The following EEF2K variants were observed in gnomAD, a reference collection of about 807,000 sequenced individuals.
EEF2K encodes the protein alternative protein EEF2K.
EEF2K carries 70 observed loss-of-function variants against 93.8 expected under a neutral mutation model. The observed-to-expected ratio is 0.75, with a 90% CI of 0.62 to 0.91. EEF2K has a LOEUF of 0.91. Among genes scored for constraint, EEF2K ranks in the 40% least tolerant of loss-of-function variants. The probability of loss-of-function intolerance (pLI) is 0.00; values close to 1 mark genes in which losing one functional copy is unlikely to be tolerated. For missense variants in EEF2K, 935 were observed against 972.9 expected (o/e 0.96, Z 0.52); for synonymous variants, 376 against 380.8 (o/e 0.99, Z 0.15).
intron 6 of EEF2K, 90 bp downstream of exon 6, chr16:22,251,412 C>A (rs1387621667): frequency 2.9e-6 from 4 of 1,403,136 alleles, no homozygotes; most frequent in African/African-American, 2.9e-5. Flanking sequence ...CCCTATTTCA[C>A]CTTCTTTTTT....
intron 2 of EEF2K, among the ~76,000 whole-genome samples, chr16:22,229,722 G>A (rs1404153227): frequency 6.6e-6 from 1 of 151,960 alleles, no homozygotes; most frequent in Non-Finnish European, 1.5e-5. Context: ...AGGGGGAAAG[G>A]CGAACATTAT....
intron 1 of EEF2K, among the ~76,000 whole-genome samples, chr16:22,220,732 A>G (rs1295585926): frequency 1.3e-5 from 2 of 152,352 alleles, no homozygotes; most frequent in African/African-American, 4.8e-5. Flanking sequence ...GGCATGAGCC[A>G]TCACGCCTGG....
At chr16:22,244,269 T>TG (rs2047259948) in intron 2 of EEF2K, among the ~76,000 whole-genome samples, 2 of 140,058 alleles carry the variant, frequency 1.4e-5, no homozygotes, top group Non-Finnish European at 3.1e-5. Context: ...TATATATGTA[T>TG]TGTGTGTGTG....
At chr16:22,223,429 C>A (rs1485398617) in intron 1 of EEF2K, among the ~76,000 whole-genome samples, 2 of 152,130 alleles carry the variant, frequency 1.3e-5, no homozygotes, top group African/African-American at 4.8e-5. Context: ...TAGGCATGCA[C>A]CACCACGCCT....
rs138243049 is a variant in EEF2K, at chr16:22,231,289, G to C, written c.246+5314G>C. Among the ~76,000 whole-genome samples the C allele has an allele frequency of 5.8e-3, 867 of 150,492 alleles. 6 individuals are homozygous for C. Among genetic ancestry groups the C allele is most frequent in the African/African-American group, 0.019 (801 of 41,306 alleles). ...TTGTTTATTTATTTATTTATTTTTT[G>C]TATATTTAGTAGAGACGGGGGTTTC... On this transcript the variant is annotated intron_variant, in intron 2 of 17. Transcript: ENST00000263026.
rs370576953 is a variant in EEF2K, at chr16:22,213,258, C to T, written c.-77+6579C>T. 1.4e-4 allele frequency among the ~76,000 whole-genome samples: 21 copies of T among 152,228 alleles called. No homozygotes were observed. In the East Asian group the frequency reaches 2.3e-3, roughly 17 times the overall value. On this transcript the variant is annotated intron_variant, in intron 1 of 17. Coordinates refer to ENST00000263026, the MANE Select transcript of EEF2K (RefSeq NM_013302.5). The stretch of plus-strand genomic sequence containing the variant: ...TGTAGTTGCTGCACTCCAGCCTGGG[C>T]GACAGAGTGAGACTCCATCTCAAAA...
intron 6 of EEF2K, among the ~76,000 whole-genome samples, chr16:22,252,237 C>T (rs1043632177): frequency 4.6e-5 from 7 of 152,160 alleles, no homozygotes; most frequent in Non-Finnish European, 1.0e-4. Context: ...GAATTCATTG[C>T]CTTATGTAAC....
intron 16 of EEF2K, among the ~76,000 whole-genome samples, chr16:22,274,487 G>A (rs2047616034): frequency 6.6e-6 from 1 of 151,574 alleles, no homozygotes; most frequent in Non-Finnish European, 1.5e-5. Context: ...ATACGAGGCA[G>A]CCATTCTAAC....
In EEF2K at chr16:22,285,594, G is replaced by C. The variant is rs1299668789; in HGVS notation, c.*1598G>C. ...CACTTTGAGGAGGGCCAAGGTGGGA[G>C]GATTGCTTGAGCTCAGGACTTCAAG... On this transcript the variant is annotated 3_prime_UTR_variant, in exon 18 of 18. Coordinates refer to ENST00000263026, the MANE Select transcript of EEF2K (RefSeq NM_013302.5). The C allele has an allele frequency of 6.6e-6, 1 of 152,310 alleles. No homozygotes were observed. Among genetic ancestry groups the C allele is most frequent in the African/African-American group, 2.4e-5 (1 of 41,444 alleles). The allele number at this position is 152,310 out of a possible 1,614,324, so 9.4% of individuals were successfully genotyped here.
chr16:22,222,195 T>C (rs1223358754), intron 1 of EEF2K, among the ~76,000 whole-genome samples: 3 of 152,072 alleles, frequency 2.0e-5, no homozygotes, highest in Non-Finnish European at 4.4e-5. Context: ...TCCTTTTTCT[T>C]TTCTTTTCTT....
At chr16:22,278,662 G>A (rs1055412253) in intron 16 of EEF2K, among the ~76,000 whole-genome samples, 1 of 152,160 alleles carries the variant, frequency 6.6e-6, no homozygotes, top group South Asian at 2.1e-4. Context: ...AATGTTTCAC[G>A]AGACCCACAG....
At chr16:22,214,288 A>C (rs1321944491) in intron 1 of EEF2K, among the ~76,000 whole-genome samples, 3 of 151,870 alleles carry the variant, frequency 2.0e-5, no homozygotes, top group Non-Finnish European at 4.4e-5. Flanking sequence ...TAGCTCATGC[A>C]TGTAATCAAC....
intron 11 of EEF2K, among the ~76,000 whole-genome samples, chr16:22,261,089 T>C (rs939179938): frequency 3.3e-5 from 5 of 152,114 alleles, no homozygotes; most frequent in African/African-American, 1.2e-4. Context: ...CTTAGTAAAA[T>C]TGGCCAGGCA....
intron 2 of EEF2K, among the ~76,000 whole-genome samples, chr16:22,238,217 A>G (rs2047186210): frequency 6.6e-6 from 1 of 152,168 alleles, no homozygotes; most frequent in East Asian, 1.9e-4. Flanking sequence ...AACCCAGGAG[A>G]CGGAGGTTGC....
Position 22,236,528 on chromosome 16 carries a change from G to T in EEF2K, c.247-8102G>T, listed in dbSNP as rs529377271. On this transcript the variant is annotated intron_variant, in intron 2 of 17. Coordinates refer to ENST00000263026, the MANE Select transcript of EEF2K (RefSeq NM_013302.5). ...TCATAAAGTCTGCAGAAGTGATGAT[G>T]GGGAAAAAAATGATTTTATAACATG... Among the ~76,000 whole-genome samples, 10 of 151,892 alleles carry T rather than the reference G, an allele frequency of 6.6e-5. No individual in the cohort carries two copies. In the South Asian group the frequency reaches 2.1e-3, roughly 32 times the overall value.
rs555055691 is a variant in EEF2K, at chr16:22,272,498, G to A, written c.1765-1128G>A. On this transcript the variant is annotated intron_variant, in intron 15 of 17. Coordinates refer to ENST00000263026, the MANE Select transcript of EEF2K (RefSeq NM_013302.5). ...CCAGAATAGGCAATCCATAGAGACAGAAAGTAGACTAATGGAAGCCTAGTG... is the reference window on the plus strand; with the variant it reads ...CCAGAATAGGCAATCCATAGAGACAAAAAGTAGACTAATGGAAGCCTAGTG... Among the ~76,000 whole-genome samples the A allele has an allele frequency of 2.0e-5, 3 of 152,324 alleles. No individual in the cohort carries two copies. In the South Asian group the frequency reaches 6.2e-4, roughly 32 times the overall value.
At position 22,258,647 on chromosome 16, in the gene EEF2K, T is replaced by C; in HGVS notation, c.1183T>C (p.Ser395Pro). The change falls in exon 10 of 18, where the codon TCT becomes CCT. Residue 395 changes from serine (S) to proline (P), a missense_variant. Transcript: ENST00000263026. ...MSDVTFDSLP[S>P]SPSSATPHSQ... ...CGACGTGACCTTCGACTCTCTCCCT[T>C]CTTCCCCATCTTCGGCCACACCACA... 2 of 1,614,144 alleles carry C rather than the reference T, an allele frequency of 1.2e-6. No homozygotes were observed. Among genetic ancestry groups the C allele is most frequent in the Non-Finnish European group, 1.7e-6 (2 of 1,180,036 alleles).
chr16:22,233,544 G>A (rs562400149), intron 2 of EEF2K, among the ~76,000 whole-genome samples: 240 of 150,776 alleles, frequency 1.6e-3, no homozygotes, highest in African/African-American at 5.5e-3. Context: ...AAAAATAGCC[G>A]GGCATGGAGG....
At chr16:22,234,806 C>T (rs976139703) in intron 2 of EEF2K, among the ~76,000 whole-genome samples, 2 of 148,126 alleles carry the variant, frequency 1.4e-5, no homozygotes, top group East Asian at 4.2e-4. Flanking sequence ...GGACGTTTTA[C>T]ATAAATAGAA....
Sources: gnomAD v4.1 joint callset for allele counts (sites outside exome capture counted in the v4.1 genomes callset) on GRCh38, gnomAD v4.1.1 for gene constraint, MANE v1.5 for transcripts, NCBI Gene and HGNC (gene_info 2026-07-23, HGNC 2026-07-21) for gene names.